Variants in LOC400499 observed in about 807,000 individuals in gnomAD.
the LOC400499 span, among the ~76,000 whole-genome samples, chr16:11,427,527 G>T: frequency 6.6e-6 from 1 of 151,808 alleles, no homozygotes; most frequent in African/African-American, 2.4e-5. Flanking sequence ...TCACTGCAAT[G>T]TCCACCTCCC....
At chr16:11,421,108 G>C in the LOC400499 span, among the ~76,000 whole-genome samples, 5 of 152,174 alleles carry the variant, frequency 3.3e-5, no homozygotes, top group Non-Finnish European at 7.4e-5. Flanking sequence ...TGGTGCCAAG[G>C]TCAGACGGGC....
At chr16:11,496,617 G>A in the LOC400499 span, among the ~76,000 whole-genome samples, 1 of 152,194 alleles carries the variant, frequency 6.6e-6, no homozygotes, top group Non-Finnish European at 1.5e-5. Context: ...GTCCCCATGT[G>A]GGCATCTCGT....
the LOC400499 span, among the ~76,000 whole-genome samples, chr16:11,394,241 G>A: frequency 2.6e-5 from 4 of 152,188 alleles, no homozygotes; most frequent in East Asian, 5.8e-4. Context: ...GTCCCTGCAG[G>A]TGCCCAGCCT....
chr16:11,478,009 C>A, the LOC400499 span: 1 of 398,866 alleles, frequency 2.5e-6, no homozygotes, highest in Non-Finnish European at 4.4e-6. Context: ...CCTGCCCCTG[C>A]AGCCAAGAAA....
At chr16:11,409,648 C>T in the LOC400499 span, among the ~76,000 whole-genome samples, 130 of 152,282 alleles carry the variant, frequency 8.5e-4, no homozygotes, top group Admixed American at 2.5e-3. Flanking sequence ...TTTGAAAGAA[C>T]ATTAGTGGGA....
At chr16:11,474,633 G>A in the LOC400499 span, among the ~76,000 whole-genome samples, 3 of 152,012 alleles carry the variant, frequency 2.0e-5, no homozygotes, top group African/African-American at 7.3e-5. Flanking sequence ...GCCAAGGCAG[G>A]TGGATCACTT....
chr16:11,458,789 C>A, the LOC400499 span, among the ~76,000 whole-genome samples: 3 of 151,938 alleles, frequency 2.0e-5, no homozygotes, highest in African/African-American at 7.3e-5. Flanking sequence ...TAACCCAGCA[C>A]TTTGGGAGGC....
chr16:11,469,632 G>A, the LOC400499 span: 2,189 of 399,094 alleles, frequency 5.5e-3, 43 homozygotes, highest in African/African-American at 0.039. Context: ...CCATGAAGAC[G>A]TGGGCTGTGG....
the LOC400499 span, chr16:11,459,955 G>A: frequency 9.9e-6 from 15 of 1,511,300 alleles, no homozygotes; most frequent in East Asian, 4.9e-5. Context: ...TGGCTGACAC[G>A]GAGATGCCTC....
the LOC400499 span, among the ~76,000 whole-genome samples, chr16:11,375,350 G>A: frequency 8.1e-6 from 1 of 123,628 alleles, no homozygotes; most frequent in Non-Finnish European, 1.6e-5. Context: ...GTCTTGCTCT[G>A]TCACCGAGGC....
the LOC400499 span, chr16:11,522,087 C>T: frequency 2.5e-6 from 1 of 397,240 alleles, no homozygotes; most frequent in Non-Finnish European, 4.4e-6. Flanking sequence ...ATCTGGTGCC[C>T]ACAGGGAGGT....
the LOC400499 span, among the ~76,000 whole-genome samples, chr16:11,373,432 C>T: frequency 6.6e-6 from 1 of 152,192 alleles, no homozygotes; most frequent in African/African-American, 2.4e-5. Context: ...CTCCTGGGTT[C>T]AAGCGATTCT....
the LOC400499 span, among the ~76,000 whole-genome samples, chr16:11,438,607 C>CAAAAAAAAAAAAA: frequency 3.3e-5 from 2 of 59,850 alleles, no homozygotes; most frequent in African/African-American, 7.6e-5. Flanking sequence ...CCTGTCTCTG[C>CAAAAAAAAAAAAA]AAAAAAAAAA....
the LOC400499 span, chr16:11,399,139 G>T: frequency 2.3e-6 from 2 of 852,892 alleles, no homozygotes. Flanking sequence ...TGCTGGAGGA[G>T]ACCAGACCTG....
chr16:11,524,295 A>C, the LOC400499 span, among the ~76,000 whole-genome samples: 2 of 117,808 alleles, frequency 1.7e-5, no homozygotes, highest in African/African-American at 6.7e-5. Flanking sequence ...CCACCCACCC[A>C]CTCCCCGCTG....
the LOC400499 span, among the ~76,000 whole-genome samples, chr16:11,445,469 A>G: frequency 9.2e-5 from 14 of 152,044 alleles, no homozygotes; most frequent in African/African-American, 3.1e-4. Flanking sequence ...TAGGGTAAGC[A>G]CGGGTCTGTG....
chr16:11,410,757 A>C, the LOC400499 span, among the ~76,000 whole-genome samples: 9 of 152,178 alleles, frequency 5.9e-5, no homozygotes, highest in Non-Finnish European at 8.8e-5. Context: ...GCCAGGCACT[A>C]GGCATGCCCT....
chr16:11,379,218 AG>A, the LOC400499 span, among the ~76,000 whole-genome samples: 1 of 152,226 alleles, frequency 6.6e-6, no homozygotes, highest in South Asian at 2.1e-4. Flanking sequence ...ACTGCACTCC[AG>A]CCTGGGCAAC....
the LOC400499 span, chr16:11,456,776 A>G: frequency 6.8e-7 from 1 of 1,461,502 alleles, no homozygotes; most frequent in Non-Finnish European, 9.3e-7. Context: ...AAGGTGTTCC[A>G]GGAAGGAGGC....
Sources: gnomAD v4.1 joint callset for allele counts (sites outside exome capture counted in the v4.1 genomes callset) on GRCh38, gnomAD v4.1.1 for gene constraint, MANE v1.5 for transcripts.